ANKRD26: variants seen among roughly 807,000 people sequenced by gnomAD.
The protein encoded by ANKRD26 is ankyrin repeat domain 26.
A neutral mutation model predicts 208.7 loss-of-function variants in ANKRD26; 141 were observed. The observed-to-expected ratio is 0.68, with a 90% CI of 0.59 to 0.78. ANKRD26 has a LOEUF of 0.78. Among genes scored for constraint, ANKRD26 ranks in the 30% least tolerant of loss-of-function variants. The pLI, the probability that ANKRD26 is intolerant of heterozygous loss-of-function variation, is 0.00. For synonymous variants in ANKRD26, 636 were observed against 660.4 expected (o/e 0.96, Z 0.57); for missense variants, 1,889 against 1,938.7 (o/e 0.97, Z 0.48).
At chr10:27,067,920 T>G (rs1373150790) in intron 9 of ANKRD26, among the ~76,000 whole-genome samples, 2 of 152,208 alleles carry the variant, frequency 1.3e-5, no homozygotes, top group Non-Finnish European at 2.9e-5. Flanking sequence ...CTGTCCTATA[T>G]TCATCAAGTG....
chr10:27,022,487 C>T, intron 29 of ANKRD26, 71 bp downstream of exon 29: 1 of 1,226,242 alleles, frequency 8.2e-7, no homozygotes. Context: ...TTTCACTGTT[C>T]AAAGCATTGA....
At chr10:27,067,364 T>G (rs1463985589) in intron 9 of ANKRD26, 78 bp from the exon 10 acceptor site, 1 of 1,519,410 alleles carries the variant, frequency 6.6e-7, no homozygotes, top group African/African-American at 1.4e-5. Context: ...AATCACTGTA[T>G]TAGTCCGTAC....
chr10:27,000,673 T>G (rs1182104791), downstream of ANKRD26, among the ~76,000 whole-genome samples: 1 of 152,038 alleles, frequency 6.6e-6, no homozygotes, highest in Non-Finnish European at 1.5e-5. Flanking sequence ...TGGGAATAAA[T>G]CTAAAAATGT....
intron 12 of ANKRD26, chr10:27,062,271 A>C (rs182326175): frequency 1.1e-6 from 1 of 911,814 alleles, no homozygotes; most frequent in Admixed American, 6.2e-5. Flanking sequence ...CCTCTGGAAG[A>C]AACATGCTCA....
At chr10:26,955,495 A>G in the ANKRD26 span, among the ~76,000 whole-genome samples, 3,026 of 151,618 alleles carry the variant, frequency 0.02, 171 homozygotes, top group East Asian at 0.17. Flanking sequence ...ATGTGTGTGT[A>G]TATATATATA....
At chr10:27,084,177 C>G (rs1417162814) in intron 5 of ANKRD26, among the ~76,000 whole-genome samples, 1 of 144,372 alleles carries the variant, frequency 6.9e-6, no homozygotes, top group Non-Finnish European at 1.5e-5. Context: ...AAGATCACAC[C>G]ACTGCACTCC....
intron 25 of ANKRD26, among the ~76,000 whole-genome samples, chr10:27,031,624 G>A: frequency 6.6e-6 from 1 of 152,156 alleles, no homozygotes; most frequent in Admixed American, 6.5e-5. Context: ...TGACTGTGGT[G>A]ATGGTTACAC....
At chr10:26,958,189 T>C in the ANKRD26 span, among the ~76,000 whole-genome samples, 1 of 151,978 alleles carries the variant, frequency 6.6e-6, no homozygotes, top group South Asian at 2.1e-4. Context: ...TTCAAGTGAT[T>C]CTCCTGTCTC....
chr10:27,082,273 T>C (rs978924907), intron 6 of ANKRD26, among the ~76,000 whole-genome samples: 1 of 152,208 alleles, frequency 6.6e-6, no homozygotes, highest in African/African-American at 2.4e-5. Context: ...AATTCCTTTA[T>C]AGGACTTGTG....
At chr10:27,046,554 C>T (rs1253029580) in intron 17 of ANKRD26, 31 bp from the exon 18 acceptor site, 2 of 1,597,668 alleles carry the variant, frequency 1.3e-6, no homozygotes, top group Admixed American at 3.4e-5. Flanking sequence ...ATGACAGTTA[C>T]ATAAGAAAAA....
intron 12 of ANKRD26, chr10:27,061,950 C>T (rs1437970394): frequency 1.0e-6 from 1 of 984,904 alleles, no homozygotes; most frequent in Non-Finnish European, 1.2e-6. Flanking sequence ...TGCCCTCCTG[C>T]TTGCAATAAT....
chr10:26,972,059 C>T (rs576074039), downstream of ANKRD26, among the ~76,000 whole-genome samples: 1 of 151,958 alleles, frequency 6.6e-6, no homozygotes, highest in Admixed American at 6.6e-5. Flanking sequence ...CACGGTGAAA[C>T]CCCGTCTCTA....
At position 27,034,993 on chromosome 10, in the gene ANKRD26, C is replaced by T. The variant is rs2053995820; in HGVS notation, c.3457G>A (p.Ala1153Thr). 1 of 1,613,930 alleles carries T rather than the reference C, an allele frequency of 6.2e-7. No individual in the cohort carries two copies. Among genetic ancestry groups the T allele is most frequent in the Admixed American group, 1.7e-5 (1 of 60,000 alleles). The part of the protein sequence containing the change: ...NMLLRQQLDD[A>T]HNKADNKEKT... ...TCTTTATTGTCAGCCTTGTTGTGGGCATCATCCAGTTGTTGTCGAAGCAAC... is the reference window on the plus strand; with the variant it reads ...TCTTTATTGTCAGCCTTGTTGTGGGTATCATCCAGTTGTTGTCGAAGCAAC... Residue 1153 changes from alanine (A) to threonine (T), a missense_variant, in exon 24 of 34, where the codon GCC becomes ACC. This residue lies in a region of ANKRD26 where 613 missense variants were observed against 648.2 expected (regional missense o/e 0.95). Coordinates refer to ENST00000376087, the MANE Select transcript of ANKRD26 (RefSeq NM_014915.3).
At chr10:27,046,264 T>C in intron 18 of ANKRD26, 89 bp downstream of exon 18, 5 of 1,284,960 alleles carry the variant, frequency 3.9e-6, no homozygotes, top group East Asian at 2.4e-5. Context: ...CGATATTCTC[T>C]AGCTTTGGGA....
At chr10:26,961,683 TA>T in the ANKRD26 span, among the ~76,000 whole-genome samples, 9 of 147,490 alleles carry the variant, frequency 6.1e-5, no homozygotes, top group Admixed American at 2.8e-4. Flanking sequence ...GTCTCTACAA[TA>T]AAAATAATAA....
chr10:27,009,568 T>C (rs768581175), intron 32 of ANKRD26, among the ~76,000 whole-genome samples: 2 of 152,194 alleles, frequency 1.3e-5, no homozygotes, highest in African/African-American at 2.4e-5. Flanking sequence ...CATTAATAAC[T>C]GTCCTATTGA....
chr10:26,950,322 T>C, the ANKRD26 span, among the ~76,000 whole-genome samples: 1 of 152,248 alleles, frequency 6.6e-6, no homozygotes, highest in African/African-American at 2.4e-5. Context: ...CCCTCTGTGA[T>C]GATTGTAAGT....
At chr10:26,950,432 G>GTACTAATA in the ANKRD26 span, among the ~76,000 whole-genome samples, 1 of 136,436 alleles carries the variant, frequency 7.3e-6, no homozygotes. Context: ...GTGTGAAAAC[G>GTACTAATA]TACTAATATA....
chr10:27,027,065 A>C (rs917450751), intron 27 of ANKRD26, among the ~76,000 whole-genome samples: 1 of 152,168 alleles, frequency 6.6e-6, no homozygotes, highest in Admixed American at 6.5e-5. Flanking sequence ...GGCATGAGCC[A>C]CTGCGCCTGA....
Sources: allele counts gnomAD v4.1 joint callset (sites outside exome capture counted in the v4.1 genomes callset), GRCh38; gene constraint gnomAD v4.1.1; regional missense constraint gnomAD v4.1.1; transcripts MANE v1.5; gene names NCBI Gene and HGNC (gene_info 2026-07-23, HGNC 2026-07-21).